Variants in SYNPO2 observed in about 807,000 individuals in gnomAD.
SYNPO2 encodes synaptopodin-2.
Under a neutral mutation model 85.0 loss-of-function variants are expected in SYNPO2, and 56 were observed. The ratio of observed to expected loss-of-function variants is 0.66; its 90% CI spans 0.53 to 0.82. The LOEUF is 0.82. Ranked by LOEUF, SYNPO2 falls within the 40% of genes least tolerant of loss-of-function variation. The pLI is 0.00. For missense variants in SYNPO2, 1,575 were observed against 1,534.2 expected (o/e 1.03, Z -0.44); for synonymous variants, 602 against 591.1 (o/e 1.02, Z -0.27).
chr4:118,917,165 G>A (rs558160451), intron 1 of SYNPO2, among the ~76,000 whole-genome samples: 1 of 152,336 alleles, frequency 6.6e-6, no homozygotes, highest in African/African-American at 2.4e-5. Flanking sequence ...GCCAAGGCGG[G>A]TGGATCGCCT....
chr4:119,008,840 A>T (rs1447481116), intron 1 of SYNPO2, among the ~76,000 whole-genome samples: 2 of 152,132 alleles, frequency 1.3e-5, no homozygotes, highest in Non-Finnish European at 2.9e-5. Flanking sequence ...TTTCCTTCAA[A>T]TATTAGAAGA....
intron 4 of SYNPO2, among the ~76,000 whole-genome samples, chr4:119,054,408 G>A (rs1031483606): frequency 3.9e-5 from 6 of 152,064 alleles, no homozygotes; most frequent in Non-Finnish European, 5.9e-5. Context: ...GCTCTTGTCC[G>A]GCGTCCAGGA....
At chr4:119,017,495 C>T (rs541273738) in intron 1 of SYNPO2, among the ~76,000 whole-genome samples, 4 of 151,646 alleles carry the variant, frequency 2.6e-5, no homozygotes, top group African/African-American at 7.3e-5. Flanking sequence ...TGAGGAAAGG[C>T]GGGAGCTTCC....
intron 1 of SYNPO2, among the ~76,000 whole-genome samples, chr4:118,972,267 CCT>C (rs1735566856): frequency 1.3e-5 from 2 of 151,990 alleles, no homozygotes; most frequent in South Asian, 2.1e-4. Context: ...ATGGGGAGAC[CCT>C]GTCTCTACAA....
At chr4:118,992,748 G>A (rs891755258) in intron 1 of SYNPO2, among the ~76,000 whole-genome samples, 7 of 152,086 alleles carry the variant, frequency 4.6e-5, no homozygotes, top group African/African-American at 1.4e-4. Context: ...ATTTGCACCT[G>A]GACTTGCTAT....
At position 118,991,856 on chromosome 4, in the gene SYNPO2, T is replaced by C. The variant is rs531942348; in HGVS notation, c.106-31574T>C. Among the ~76,000 whole-genome samples the C allele has an allele frequency of 9.2e-5, 14 of 152,096 alleles. No homozygotes were observed. In the South Asian group the frequency reaches 2.7e-3, roughly 29 times the overall value. ...GAGCATTGTAAGCAGAAACAGTACATAGAAATGCCCCGAAGCAGAGAAGTG... is the reference window on the plus strand; with the variant it reads ...GAGCATTGTAAGCAGAAACAGTACACAGAAATGCCCCGAAGCAGAGAAGTG... On this transcript the variant is annotated intron_variant, in intron 1 of 4. Transcript: ENST00000307142.
At chr4:118,923,494 C>T (rs927533652) in intron 1 of SYNPO2, among the ~76,000 whole-genome samples, 1 of 152,050 alleles carries the variant, frequency 6.6e-6, no homozygotes, top group African/African-American at 2.4e-5. Context: ...ACCTCCATGA[C>T]ATGCAATTTA....
intron 4 of SYNPO2, among the ~76,000 whole-genome samples, chr4:119,045,327 C>T (rs1250191496): frequency 1.3e-5 from 2 of 152,136 alleles, no homozygotes; most frequent in Non-Finnish European, 2.9e-5. Context: ...GATGCAGTGG[C>T]TCACTGGAAG....
At position 119,027,155 on chromosome 4, in the gene SYNPO2, C is replaced by T. The variant is rs146875515; in HGVS notation, c.786C>T (p.Ile262=). ...TGAGGTCCAGCAAGATAATCCAGAT[C>T]TCCAGTGGCAGAGAGTTGAGAGTGA... is the stretch of plus-strand genomic sequence containing the variant. The part of the protein sequence containing the change: ...PFLRSSKIIQ[I]SSGRELRVIQ... The change falls in exon 3 of 5, where the codon ATC becomes ATT. Residue 262 remains isoleucine, a synonymous_variant. Coordinates refer to ENST00000307142, the MANE Select transcript of SYNPO2 (RefSeq NM_133477.3). 139 of 1,614,178 alleles carry T rather than the reference C, an allele frequency of 8.6e-5. No individual in the cohort carries two copies. Among genetic ancestry groups the T allele is most frequent in the Non-Finnish European group, 1.1e-4 (135 of 1,180,032 alleles).
At chr4:118,859,263 T>A (rs1242664207) in intron 1 of SYNPO2, among the ~76,000 whole-genome samples, 1 of 152,188 alleles carries the variant, frequency 6.6e-6, no homozygotes, top group Non-Finnish European at 1.5e-5. Context: ...TTTTTTAAAT[T>A]AAATCTTTAA....
chr4:118,978,667 A>T (rs568413894), intron 1 of SYNPO2, among the ~76,000 whole-genome samples: 73 of 152,326 alleles, frequency 4.8e-4, no homozygotes, highest in African/African-American at 1.8e-3. Context: ...TCAGTGCCCA[A>T]TCAAATCTCC....
upstream of SYNPO2, chr4:118,888,815 G>A: frequency 1.7e-6 from 1 of 571,866 alleles, no homozygotes; most frequent in Non-Finnish European, 3.1e-6. Context: ...CCTGGATGCT[G>A]CGAGCGCCTC....
At chr4:118,879,490 G>A (rs996962928) in intron 1 of SYNPO2, among the ~76,000 whole-genome samples, 6 of 152,268 alleles carry the variant, frequency 3.9e-5, no homozygotes, top group African/African-American at 1.4e-4. Context: ...CAAGAGAGAT[G>A]ATCTTTCTCT....
At chr4:118,879,936 C>A (rs1732047275) in intron 1 of SYNPO2, among the ~76,000 whole-genome samples, 1 of 151,990 alleles carries the variant, frequency 6.6e-6, no homozygotes, top group East Asian at 1.9e-4. Context: ...GTCTGCACTA[C>A]TTTAGAGACC....
intron 1 of SYNPO2, among the ~76,000 whole-genome samples, chr4:118,919,066 A>G (rs1369761573): frequency 2.0e-5 from 3 of 152,202 alleles, no homozygotes; most frequent in African/African-American, 7.2e-5. Context: ...TGGTGTTCCT[A>G]ATGAATATAT....
At chr4:119,009,926 T>G (rs1022878001) in intron 1 of SYNPO2, among the ~76,000 whole-genome samples, 1 of 152,226 alleles carries the variant, frequency 6.6e-6, no homozygotes. Context: ...GATTCTGTGC[T>G]TCTCACAAGC....
chr4:118,957,935 T>C (rs1025876236), intron 1 of SYNPO2, among the ~76,000 whole-genome samples: 3 of 152,174 alleles, frequency 2.0e-5, no homozygotes, highest in Admixed American at 6.5e-5. Flanking sequence ...ATGGGAATAG[T>C]CAAGAATATG....
intron 1 of SYNPO2, among the ~76,000 whole-genome samples, chr4:118,939,887 T>G (rs1734241056): frequency 6.6e-6 from 1 of 152,208 alleles, no homozygotes; most frequent in African/African-American, 2.4e-5. Context: ...AACTGTGTTT[T>G]GTTAAACTGT....
chr4:119,013,175 C>G (rs1737395439), intron 1 of SYNPO2, among the ~76,000 whole-genome samples: 1 of 152,150 alleles, frequency 6.6e-6, no homozygotes, highest in Non-Finnish European at 1.5e-5. Context: ...CACCTTAGCC[C>G]TTAGCATTCA....
Sources: allele counts gnomAD v4.1 joint callset (sites outside exome capture counted in the v4.1 genomes callset), GRCh38; gene constraint gnomAD v4.1.1; transcripts MANE v1.5; gene names NCBI Gene and HGNC (gene_info 2026-07-23, HGNC 2026-07-21).